CAST: variants seen among roughly 807,000 people sequenced by gnomAD.
CAST encodes MIR583 host.
In CAST, 76 loss-of-function variants were observed where a neutral mutation model predicts 119.6. The observed-to-expected ratio is 0.64, with a 90% confidence interval of 0.53 to 0.77. The LOEUF is 0.77. Among genes scored for constraint, CAST ranks in the 30% least tolerant of loss-of-function variants. The probability of loss-of-function intolerance (pLI) is 0.00; values close to 1 mark genes in which losing one functional copy is unlikely to be tolerated. For synonymous variants in CAST, 319 were observed against 331.6 expected, an observed-to-expected ratio of 0.96 and a Z score of 0.41; for missense variants, 953 against 946.5, an observed-to-expected ratio of 1.01 and a Z score of -0.09.
the CAST span, among the ~76,000 whole-genome samples, chr5:96,234,056 A>T: frequency 6.6e-6 from 1 of 152,302 alleles, no homozygotes; most frequent in East Asian, 1.9e-4. Flanking sequence ...AGAAGTGGGC[A>T]CACACAAACA....
the CAST span, among the ~76,000 whole-genome samples, chr5:96,508,682 G>A: frequency 3.3e-5 from 5 of 152,140 alleles, no homozygotes; most frequent in South Asian, 2.1e-4. Context: ...GCGCTACATC[G>A]GGGAGGAGGT....
the CAST span, among the ~76,000 whole-genome samples, chr5:96,387,003 C>T: frequency 7.2e-5 from 11 of 152,024 alleles, no homozygotes; most frequent in African/African-American, 2.4e-4. Flanking sequence ...AAAACAAAAA[C>T]AACTAAATTA....
the CAST span, chr5:96,432,716 A>T: frequency 1.5e-6 from 1 of 674,860 alleles, no homozygotes; most frequent in Non-Finnish European, 2.6e-6. Context: ...TCCAAGCGCG[A>T]CAGGGGCGAG....
At chr5:96,535,568 T>A (rs1426850094) in intron 1 of CAST, among the ~76,000 whole-genome samples, 1 of 112,378 alleles carries the variant, frequency 8.9e-6, no homozygotes, top group Admixed American at 8.8e-5. Flanking sequence ...TAAACAATTT[T>A]TTTTTTTTTT....
At chr5:96,278,601 A>G in the CAST span, 1 of 152,212 alleles carries the variant, frequency 6.6e-6, no homozygotes, top group Non-Finnish European at 1.5e-5. Context: ...TGCTTAGAAA[A>G]AGCATGGGAT....
chr5:96,444,390 G>C, the CAST span, among the ~76,000 whole-genome samples: 1 of 152,082 alleles, frequency 6.6e-6, no homozygotes, highest in Non-Finnish European at 1.5e-5. Context: ...TCTATGTTTT[G>C]ATGTTTAAAG....
At chr5:95,972,249 T>C in the CAST span, among the ~76,000 whole-genome samples, 1 of 152,232 alleles carries the variant, frequency 6.6e-6, no homozygotes, top group Non-Finnish European at 1.5e-5. Context: ...CTTATTTCCC[T>C]TGGGTGAATA....
chr5:96,382,547 TG>T, the CAST span, among the ~76,000 whole-genome samples: 1 of 152,210 alleles, frequency 6.6e-6, no homozygotes, highest in Non-Finnish European at 1.5e-5. Flanking sequence ...ACATATTTAA[TG>T]GCTATTGCAT....
chr5:96,550,062 C>G (rs1350363357), intron 1 of CAST, among the ~76,000 whole-genome samples: 1 of 152,226 alleles, frequency 6.6e-6, no homozygotes, highest in Non-Finnish European at 1.5e-5. Flanking sequence ...GTAGTTCTCC[C>G]AGCACAGCGT....
the CAST span, among the ~76,000 whole-genome samples, chr5:96,109,041 CT>C: frequency 6.6e-6 from 1 of 152,398 alleles, no homozygotes; most frequent in South Asian, 2.1e-4. Context: ...TCCCTGACCC[CT>C]TGCGCTTTCT....
intron 1 of CAST, among the ~76,000 whole-genome samples, chr5:96,597,675 C>A (rs1249771847): frequency 1.3e-5 from 2 of 152,214 alleles, no homozygotes; most frequent in African/African-American, 4.8e-5. Context: ...TTTCCATATA[C>A]TGAGTAGCAC....
chr5:96,277,763 C>T, the CAST span, among the ~76,000 whole-genome samples: 146 of 149,138 alleles, frequency 9.8e-4, no homozygotes, highest in Middle Eastern at 6.8e-3. Context: ...TTTTTTTTTT[C>T]CCACCAGAAG....
chr5:96,346,682 T>G, the CAST span, among the ~76,000 whole-genome samples: 1 of 152,126 alleles, frequency 6.6e-6, no homozygotes, highest in Non-Finnish European at 1.5e-5. Flanking sequence ...AGTTGTGACT[T>G]TAAGAAACTG....
the CAST span, among the ~76,000 whole-genome samples, chr5:96,394,057 A>G: frequency 6.6e-6 from 1 of 152,232 alleles, no homozygotes; most frequent in Non-Finnish European, 1.5e-5. Flanking sequence ...TGGAACTAGA[A>G]TTCAAGCTGA....
At chr5:96,150,405 A>C in the CAST span, among the ~76,000 whole-genome samples, 1 of 152,120 alleles carries the variant, frequency 6.6e-6, no homozygotes. Context: ...ACTGTGCTGT[A>C]AGGTTCCCCT....
At chr5:96,313,221 A>G in the CAST span, among the ~76,000 whole-genome samples, 1 of 152,152 alleles carries the variant, frequency 6.6e-6, no homozygotes, top group East Asian at 1.9e-4. Flanking sequence ...ATACAATAAA[A>G]TTCACTGTGT....
At chr5:96,341,595 G>A in the CAST span, among the ~76,000 whole-genome samples, 1 of 151,840 alleles carries the variant, frequency 6.6e-6, no homozygotes, top group African/African-American at 2.4e-5. Context: ...CCCTTTCTGG[G>A]TGTTTTTCTT....
chr5:96,534,927 A>G (rs1745776337), intron 1 of CAST, among the ~76,000 whole-genome samples: 1 of 93,912 alleles, frequency 1.1e-5, no homozygotes, highest in Non-Finnish European at 2.3e-5. Context: ...AAAAGGAATA[A>G]AGAAAGAAAG....
chr5:96,760,773 T>C (rs961844694), intron 24 of CAST: 6 of 151,972 alleles, frequency 3.9e-5, no homozygotes, highest in African/African-American at 1.4e-4. Flanking sequence ...TAAGTCAGTT[T>C]AACTAAATAT....
Sources: gnomAD v4.1 joint callset for allele counts (sites outside exome capture counted in the v4.1 genomes callset) on GRCh38, gnomAD v4.1.1 for gene constraint, MANE v1.5 for transcripts, NCBI Gene and HGNC (gene_info 2026-07-23, HGNC 2026-07-21) for gene names.